Variants in RAD51B observed in about 807,000 individuals in gnomAD.
RAD51B encodes the protein RAD51 paralog B, also known as DNA repair protein RAD51 homolog 2.
Under a neutral mutation model 42.2 loss-of-function variants are expected in RAD51B, and 38 were observed. The observed-to-expected ratio is 0.90, with a 90% CI of 0.70 to 1.18. The LOEUF (loss-of-function observed/expected upper bound fraction) is 1.18, where lower values mean the gene tolerates loss of function less well. Ranked by LOEUF, RAD51B falls within the 50% of genes most tolerant of loss-of-function variation. The pLI is 0.00. For synonymous variants in RAD51B, 154 were observed against 145.2 expected, an observed-to-expected ratio of 1.06 and a Z score of -0.43; for missense variants, 373 against 400.7, an observed-to-expected ratio of 0.93 and a Z score of 0.59.
intron 9 of RAD51B, among the ~76,000 whole-genome samples, chr14:68,425,215 A>G (rs1470199933): frequency 2.0e-5 from 3 of 152,260 alleles, no homozygotes; most frequent in Non-Finnish European, 4.4e-5. Flanking sequence ...AGTGACTGCC[A>G]TAGCAGTCAA....
intron 10 of RAD51B, among the ~76,000 whole-genome samples, chr14:68,527,690 A>G (rs922384752): frequency 1.1e-4 from 17 of 152,270 alleles, no homozygotes; most frequent in Admixed American, 9.2e-4. Context: ...TAATGCACCA[A>G]TAGAATGTCT....
At chr14:68,354,381 T>C (rs1004814453) in intron 8 of RAD51B, among the ~76,000 whole-genome samples, 1 of 152,142 alleles carries the variant, frequency 6.6e-6, no homozygotes, top group African/African-American at 2.4e-5. Flanking sequence ...CACGCCCAGC[T>C]AATTTTTACT....
chr14:67,950,516 G>T (rs2074424457), intron 7 of RAD51B, among the ~76,000 whole-genome samples: 1 of 152,134 alleles, frequency 6.6e-6, no homozygotes, highest in Non-Finnish European at 1.5e-5. Context: ...TGGCTGGTTT[G>T]GTCTTCTATC....
intron 7 of RAD51B, among the ~76,000 whole-genome samples, chr14:67,888,166 T>C (rs965669685): frequency 7.9e-5 from 12 of 152,310 alleles, no homozygotes; most frequent in African/African-American, 2.9e-4. Flanking sequence ...ATTCAAAAAG[T>C]TCTGCATACT....
intron 7 of RAD51B, among the ~76,000 whole-genome samples, chr14:68,036,837 T>C (rs918025619): frequency 2.0e-5 from 3 of 152,132 alleles, no homozygotes; most frequent in Non-Finnish European, 4.4e-5. Flanking sequence ...GCTATAAAGT[T>C]TTTTAAAAAC....
intron 8 of RAD51B, among the ~76,000 whole-genome samples, chr14:68,337,050 T>A (rs1482276581): frequency 6.6e-6 from 1 of 152,244 alleles, no homozygotes; most frequent in Non-Finnish European, 1.5e-5. Flanking sequence ...TGATTTCATT[T>A]GTAGTTTACT....
chr14:68,043,600 T>A (rs11623355), intron 7 of RAD51B, among the ~76,000 whole-genome samples: 3 of 152,036 alleles, frequency 2.0e-5, no homozygotes, highest in Non-Finnish European at 4.4e-5. Flanking sequence ...GTGTCTGTAT[T>A]ACTTTCTCTA....
At chr14:68,011,035 G>A (rs2075675548) in intron 7 of RAD51B, among the ~76,000 whole-genome samples, 1 of 151,926 alleles carries the variant, frequency 6.6e-6, no homozygotes, top group Non-Finnish European at 1.5e-5. Context: ...AAAAAAATCA[G>A]ATATTTTGAA....
intron 10 of RAD51B, among the ~76,000 whole-genome samples, chr14:68,533,233 T>C (rs904738306): frequency 2.6e-5 from 4 of 152,228 alleles, no homozygotes; most frequent in African/African-American, 9.6e-5. Flanking sequence ...AACATCCATA[T>C]ACAAAAGTCA....
chr14:68,412,952 C>T (rs962182458), intron 9 of RAD51B, among the ~76,000 whole-genome samples: 3 of 152,132 alleles, frequency 2.0e-5, no homozygotes, highest in Admixed American at 1.3e-4. Flanking sequence ...TTGAGTCATT[C>T]GTTTTCATGG....
At chr14:67,884,397 G>A (rs116346194) in intron 5 of RAD51B, among the ~76,000 whole-genome samples, 3,817 of 152,172 alleles carry the variant, frequency 0.025, 107 homozygotes, top group African/African-American at 0.067. Context: ...CTAATCAACT[G>A]GGCATTCAAA....
intron 8 of RAD51B, among the ~76,000 whole-genome samples, chr14:68,302,128 T>C (rs1223796581): frequency 6.6e-6 from 1 of 152,204 alleles, no homozygotes; most frequent in East Asian, 1.9e-4. Flanking sequence ...GGGTGGTGAC[T>C]GAGTAGCTTA....
At chr14:68,252,802 C>T (rs1255950712) in intron 7 of RAD51B, among the ~76,000 whole-genome samples, 1 of 152,004 alleles carries the variant, frequency 6.6e-6, no homozygotes, top group Non-Finnish European at 1.5e-5. Flanking sequence ...GGAATGTAGC[C>T]AGGTGTGGTG....
intron 5 of RAD51B, among the ~76,000 whole-genome samples, chr14:67,870,298 A>C (rs966901118): frequency 1.3e-5 from 2 of 152,240 alleles, no homozygotes; most frequent in Non-Finnish European, 2.9e-5. Flanking sequence ...AATCTCTGAT[A>C]AAACAGACTT....
chr14:68,267,584 G>T (rs1365245687), intron 7 of RAD51B, among the ~76,000 whole-genome samples: 1 of 152,164 alleles, frequency 6.6e-6, no homozygotes. Flanking sequence ...GGGCCACTTT[G>T]TAGAGGGATT....
rs76063225 is a variant in RAD51B, at chr14:68,130,657, C to T, written c.757-161227C>T. ...TTTTTTGTAGAAATTGATTCTTTTA[C>T]TGAAGCCTTGAGATCTCTGAGCATT... On this transcript the variant is annotated intron_variant, in intron 7 of 10. Transcript: ENST00000471583. 4.0e-3 allele frequency among the ~76,000 whole-genome samples: 613 copies of T among 152,284 alleles called. 4 individuals carry two copies. Among genetic ancestry groups the T allele is most frequent in the African/African-American group, 0.014 (584 of 41,570 alleles).
intron 7 of RAD51B, among the ~76,000 whole-genome samples, chr14:68,161,930 C>T (rs1366663008): frequency 6.6e-6 from 1 of 152,192 alleles, no homozygotes; most frequent in African/African-American, 2.4e-5. Context: ...TTTATTGTCA[C>T]AACTGTGCAC....
At chr14:68,264,475 G>T (rs1446858892) in intron 7 of RAD51B, among the ~76,000 whole-genome samples, 1 of 152,216 alleles carries the variant, frequency 6.6e-6, no homozygotes, top group Non-Finnish European at 1.5e-5. Context: ...TGGGGTTTGT[G>T]ACAAGATTTG....
At chr14:68,528,411 A>G (rs1326589656) in intron 10 of RAD51B, among the ~76,000 whole-genome samples, 2 of 152,224 alleles carry the variant, frequency 1.3e-5, no homozygotes, top group Non-Finnish European at 2.9e-5. Flanking sequence ...CTTATTGCAT[A>G]TGTGACTTTC....
Sources: allele counts gnomAD v4.1 joint callset (sites outside exome capture counted in the v4.1 genomes callset), GRCh38; gene constraint gnomAD v4.1.1; transcripts MANE v1.5; gene names NCBI Gene and HGNC (gene_info 2026-07-23, HGNC 2026-07-21).